TCERG1: variants seen among roughly 807,000 people sequenced by gnomAD.
TCERG1 encodes the protein transcription elongation regulator 1.
In TCERG1, 37 loss-of-function variants were observed where a neutral mutation model predicts 144.7. The ratio of observed to expected loss-of-function variants is 0.26; its 90% CI spans 0.20 to 0.34. The LOEUF (loss-of-function observed/expected upper bound fraction) is 0.34. Among genes scored for constraint, TCERG1 ranks in the 10% least tolerant of loss-of-function variants. The pLI, the probability that TCERG1 is intolerant of heterozygous loss-of-function variation, is 1.00. For synonymous variants in TCERG1, 492 were observed against 458.2 expected (o/e 1.07, Z -0.94); for missense variants, 1,027 against 1,380.7 (o/e 0.74, Z 4.06).
intron 9 of TCERG1, among the ~76,000 whole-genome samples, chr5:146,474,793 TTTAAA>T (rs1278927452): frequency 6.6e-6 from 1 of 152,242 alleles, no homozygotes; most frequent in African/African-American, 2.4e-5. Context: ...ATAAAGTATT[TTTAAA>T]TTATAGTATG....
chr5:146,489,802 C>G (rs921232656), intron 15 of TCERG1, among the ~76,000 whole-genome samples: 3 of 152,056 alleles, frequency 2.0e-5, no homozygotes, highest in African/African-American at 7.2e-5. Context: ...AAATTTTGTT[C>G]ATGAGTTGAA....
At chr5:146,478,765 A>G in intron 10 of TCERG1, 112 bp downstream of exon 10, 2 of 1,146,802 alleles carry the variant, frequency 1.7e-6, no homozygotes, top group Non-Finnish European at 2.4e-6. Flanking sequence ...TATAAGAAGC[A>G]TTCGAAAAAA....
In TCERG1 at chr5:146,511,895, C is replaced by A. The variant is rs948677768; in HGVS notation, c.*1253C>A. The A allele has an allele frequency of 6.7e-6, 1 of 148,778 alleles. No homozygotes were observed. The highest frequency in any genetic ancestry group is 2.5e-5 in the African/African-American group (1 of 40,428). 9.2% of individuals were successfully genotyped at this position (148,778 alleles called of 1,614,324 possible). ...TTTACCTCCCGAGTTAAAAAAAAAT[C>A]TTTTTATTTTATGCCTTCATAGGTT... On this transcript the variant is annotated 3_prime_UTR_variant, in exon 23 of 23. Coordinates refer to ENST00000679501, the MANE Select transcript of TCERG1 (RefSeq NM_001382548.1).
intron 13 of TCERG1, chr5:146,481,917 CAGT>C (rs1765398291): frequency 6.6e-6 from 1 of 152,072 alleles, no homozygotes; most frequent in Non-Finnish European, 1.5e-5. Flanking sequence ...CATTGATGAA[CAGT>C]TCTAATTCCA....
At chr5:146,482,833 G>T (rs1421017767) in intron 14 of TCERG1, 106 bp downstream of exon 14, 1 of 1,317,950 alleles carries the variant, frequency 7.6e-7, no homozygotes, top group African/African-American at 1.5e-5. Flanking sequence ...TATGGGGGGG[G>T]ATAAGGGGAT....
intron 15 of TCERG1, among the ~76,000 whole-genome samples, chr5:146,492,259 C>T (rs1013494782): frequency 6.6e-6 from 1 of 152,124 alleles, no homozygotes; most frequent in African/African-American, 2.4e-5. Context: ...TGAGTTGCCT[C>T]TTTGTTTTTC....
rs140771616 is a variant in TCERG1, at chr5:146,491,623, T to G, written c.2164-1297T>G. 1.1e-4 allele frequency among the ~76,000 whole-genome samples: 16 copies of G among 152,330 alleles called. 1 individual carries two copies. In the East Asian group the frequency reaches 2.9e-3, roughly 28 times the overall value. ...CTGCTTCGGATCTGAGAGAACTAAC[T>G]GTGTCTTAGTATTTGGTATGTGTTT... On this transcript the variant is annotated intron_variant, in intron 15 of 22. Transcript: ENST00000679501.
At chr5:146,452,707 C>A (rs1012329773) in intron 1 of TCERG1, among the ~76,000 whole-genome samples, 1 of 152,066 alleles carries the variant, frequency 6.6e-6, no homozygotes, top group Non-Finnish European at 1.5e-5. Context: ...CTTCTGCTTC[C>A]GCCTCCCAAG....
intron 15 of TCERG1, among the ~76,000 whole-genome samples, chr5:146,491,649 G>A (rs564832002): frequency 8.5e-5 from 13 of 152,124 alleles, no homozygotes; most frequent in Admixed American, 7.2e-4. Flanking sequence ...GTATGTGTTT[G>A]GTTAATCTCC....
In TCERG1 at chr5:146,503,484, A is replaced by G. The variant is rs748399280; in HGVS notation, c.2543A>G (p.Asp848Gly). The change falls in exon 18 of 23, where the codon GAT (aspartate) becomes GGT (glycine). Residue 848 changes from aspartate to glycine, a missense_variant. This residue lies in a region of TCERG1 where 482 missense variants were observed against 632.6 expected (regional missense o/e 0.76). Transcript: ENST00000679501. ...AGTGATCCACGTTACAAAGCAGTAG[A>G]TAGTTCATCAATGAGAGAAGACCTT... ...VESDPRYKAV[D>G]SSSMREDLFK... 1.4e-5 allele frequency: 23 copies of G among 1,614,028 alleles called. No homozygotes were observed. The highest frequency in any genetic ancestry group is 1.7e-6 in the Non-Finnish European group (2 of 1,179,938).
chr5:146,503,958 C>T lies in TCERG1; in HGVS notation c.2733C>T (p.His911=). Residue 911 remains histidine (H), a synonymous_variant, in exon 19 of 23, where the codon CAC becomes CAT. Transcript: ENST00000679501. ...TKEIDREREQ[H]KREEAIQNFK... The stretch of plus-strand genomic sequence containing the variant: ...AAATAGATCGAGAGAGAGAGCAGCA[C>T]AAACGAGAAGAAGCTATCCAGAATT... 6.2e-7 allele frequency: 1 copy of T among 1,603,644 alleles called. No individual in the cohort carries two copies. The highest frequency in any genetic ancestry group is 8.5e-7 in the Non-Finnish European group (1 of 1,176,300).
intron 5 of TCERG1, 99 bp from the exon 6 acceptor site, chr5:146,468,242 G>A (rs1468499619): frequency 1.6e-5 from 15 of 938,180 alleles, no homozygotes; most frequent in South Asian, 2.3e-5. Context: ...ATTGGAAATA[G>A]CATTCTAAAT....
chr5:146,467,510 C>T (rs991092445), intron 5 of TCERG1, among the ~76,000 whole-genome samples: 6 of 152,154 alleles, frequency 3.9e-5, no homozygotes, highest in Admixed American at 3.9e-4. Flanking sequence ...CATTGTAATG[C>T]ATCATGATGA....
rs377681115 is a variant in TCERG1, at chr5:146,503,941, C to T, written c.2716C>T (p.Arg906Ter). 2 of 1,610,956 alleles carry T rather than the reference C, an allele frequency of 1.2e-6. No individual in the cohort carries two copies. The highest frequency in any genetic ancestry group is 1.3e-5 in the African/African-American group (1 of 74,718). ...TTCAGAACAAACAAAAGAAATAGAT[C>T]GAGAGAGAGAGCAGCACAAACGAGA... ...ARSEQTKEID[R>*]EREQHKREEA... Residue 906 changes from arginine to a stop codon, truncating the protein, a stop_gained, in exon 19 of 23, where the codon CGA becomes TGA. Transcript: ENST00000679501. LOFTEE classifies it high-confidence loss of function.
At chr5:146,458,378 A>G (rs1763016960) in intron 3 of TCERG1, among the ~76,000 whole-genome samples, 1 of 151,544 alleles carries the variant, frequency 6.6e-6, no homozygotes, top group African/African-American at 2.4e-5. Flanking sequence ...GGGTTTTACC[A>G]TGTTGGCCAG....
chr5:146,482,826 G>A, intron 14 of TCERG1, 99 bp downstream of exon 14: 2 of 1,315,790 alleles, frequency 1.5e-6, no homozygotes, highest in East Asian at 2.8e-5. Context: ...CTCATGTTAT[G>A]GGGGGGGATA....
At chr5:146,459,627 G>GT (rs1398993173) in intron 4 of TCERG1, among the ~76,000 whole-genome samples, 1 of 152,204 alleles carries the variant, frequency 6.6e-6, no homozygotes. Flanking sequence ...CAAAATAAGT[G>GT]TAAGTCTTGG....
At chr5:146,459,389 G>A (rs766093356) in intron 4 of TCERG1, 52 bp downstream of exon 4, 2 of 1,573,052 alleles carry the variant, frequency 1.3e-6, no homozygotes, top group Non-Finnish European at 8.6e-7. Flanking sequence ...ACATGAACAA[G>A]TAGGGGACTA....
chr5:146,467,286 T>G (rs1427620765), intron 5 of TCERG1, among the ~76,000 whole-genome samples: 1 of 152,130 alleles, frequency 6.6e-6, no homozygotes, highest in South Asian at 2.1e-4. Context: ...TTTCCTGTCC[T>G]TTAGTGGGGA....
Sources: gnomAD v4.1 joint callset for allele counts (sites outside exome capture counted in the v4.1 genomes callset) on GRCh38, gnomAD v4.1.1 for gene constraint, gnomAD v4.1.1 regional missense constraint, MANE v1.5 for transcripts, NCBI Gene and HGNC (gene_info 2026-07-23, HGNC 2026-07-21) for gene names.